FAM184A: variants seen among roughly 807,000 people sequenced by gnomAD.
FAM184A encodes protein FAM184A.
Under a neutral mutation model 143.8 loss-of-function variants are expected in FAM184A, and 99 were observed. The observed-to-expected ratio is 0.69, with a 90% confidence interval of 0.58 to 0.81. FAM184A has a LOEUF of 0.81. FAM184A is among the 40% of genes least tolerant of loss of function. The pLI, the probability that FAM184A is intolerant of heterozygous loss-of-function variation, is 0.00. For synonymous variants in FAM184A, 427 were observed against 446.4 expected, an observed-to-expected ratio of 0.96 and a Z score of 0.55; for missense variants, 1,217 against 1,310.5, an observed-to-expected ratio of 0.93 and a Z score of 1.10.
intron 1 of FAM184A, among the ~76,000 whole-genome samples, chr6:119,061,545 T>C (rs1045125445): frequency 2.0e-4 from 27 of 134,364 alleles, no homozygotes; most frequent in African/African-American, 7.4e-4. Context: ...TTTTTTTTTT[T>C]TTTTTTTTTT....
At chr6:119,108,846 C>T (rs1788857681) in intron 1 of FAM184A, among the ~76,000 whole-genome samples, 1 of 152,166 alleles carries the variant, frequency 6.6e-6, no homozygotes, top group East Asian at 1.9e-4. Context: ...AATCTCCACG[C>T]TCCAGGAAAC....
At chr6:118,977,038 C>T (rs1396694107) in intron 11 of FAM184A, among the ~76,000 whole-genome samples, 2 of 152,158 alleles carry the variant, frequency 1.3e-5, no homozygotes, top group Non-Finnish European at 2.9e-5. Flanking sequence ...AACCGCACTC[C>T]TAGGCACTTA....
chr6:119,094,914 C>G (rs1788467397), intron 1 of FAM184A, among the ~76,000 whole-genome samples: 1 of 152,162 alleles, frequency 6.6e-6, no homozygotes, highest in East Asian at 1.9e-4. Flanking sequence ...TATCCCCTGG[C>G]ACCACTGGCT....
At chr6:119,139,388 C>T (rs993375351) in intron 1 of FAM184A, among the ~76,000 whole-genome samples, 1 of 152,162 alleles carries the variant, frequency 6.6e-6, no homozygotes, top group Non-Finnish European at 1.5e-5. Context: ...ACTTAACTCA[C>T]TGTTCTCAGA....
At chr6:119,005,881 C>T in intron 7 of FAM184A, 1 of 468,608 alleles carries the variant, frequency 2.1e-6, no homozygotes, top group East Asian at 3.0e-5. Context: ...CAGAGAAGCA[C>T]TTAGTTGCTG....
intron 9 of FAM184A, among the ~76,000 whole-genome samples, chr6:118,986,931 G>A (rs998832414): frequency 2.0e-5 from 3 of 151,976 alleles, no homozygotes; most frequent in African/African-American, 7.2e-5. Context: ...ATAAATGTTT[G>A]TTGTTTCTTT....
chr6:119,062,552 G>A (rs807807), intron 1 of FAM184A, among the ~76,000 whole-genome samples: 5,867 of 152,182 alleles, frequency 0.039, 401 homozygotes, highest in African/African-American at 0.13. Flanking sequence ...CCAGCTACTC[G>A]GGAGGCTGAG....
At chr6:119,031,670 T>C (rs1785877135) in intron 1 of FAM184A, 1 of 152,210 alleles carries the variant, frequency 6.6e-6, no homozygotes, top group Admixed American at 6.5e-5. Flanking sequence ...TAAAGCACAT[T>C]TGTAATAACA....
intron 9 of FAM184A, among the ~76,000 whole-genome samples, chr6:118,986,598 C>T (rs1269728044): frequency 6.6e-6 from 1 of 152,072 alleles, no homozygotes; most frequent in East Asian, 1.9e-4. Context: ...GTGTTACCAG[C>T]CCCTTTTACT....
upstream of FAM184A, among the ~76,000 whole-genome samples, chr6:119,082,809 A>G (rs1208198716): frequency 2.6e-5 from 4 of 152,198 alleles, no homozygotes; most frequent in East Asian, 7.7e-4. Context: ...CTGTCAGTAG[A>G]CCTAATATTA....
At chr6:119,036,192 C>T (rs1440662094) in intron 1 of FAM184A, among the ~76,000 whole-genome samples, 2 of 138,690 alleles carry the variant, frequency 1.4e-5, no homozygotes, top group African/African-American at 5.4e-5. Context: ...TGATTCACGT[C>T]TTTTTTTCCC....
chr6:119,020,501 A>G (rs1357053033), intron 3 of FAM184A, among the ~76,000 whole-genome samples: 1 of 152,124 alleles, frequency 6.6e-6, no homozygotes, highest in Non-Finnish European at 1.5e-5. Flanking sequence ...TAGGCTTCAT[A>G]AGAAAGTCTC....
intron 1 of FAM184A, among the ~76,000 whole-genome samples, chr6:119,030,329 A>C (rs1419223582): frequency 6.6e-6 from 1 of 152,146 alleles, no homozygotes; most frequent in African/African-American, 2.4e-5. Flanking sequence ...AGTTGAGCTT[A>C]ACTGGATATA....
chr6:119,004,712 T>A (rs1365576638), intron 7 of FAM184A, among the ~76,000 whole-genome samples: 1 of 152,226 alleles, frequency 6.6e-6, no homozygotes, highest in Admixed American at 6.5e-5. Flanking sequence ...GCAGCATCTA[T>A]ATTTTGTCAG....
At chr6:119,003,192 G>A (rs1478995955) in intron 8 of FAM184A, 143 bp from the exon 9 acceptor site, 2 of 759,404 alleles carry the variant, frequency 2.6e-6, no homozygotes, top group Non-Finnish European at 3.9e-6. Flanking sequence ...TTACTTAAGG[G>A]CTGTAAAGTA....
At chr6:119,126,007 A>C (rs2114868312) in intron 1 of FAM184A, among the ~76,000 whole-genome samples, 1 of 152,364 alleles carries the variant, frequency 6.6e-6, no homozygotes, top group South Asian at 2.1e-4. Flanking sequence ...TTAGAAGTCC[A>C]GACATGACAC....
At chr6:118,992,318 G>A (rs1784404823) in intron 9 of FAM184A, among the ~76,000 whole-genome samples, 1 of 152,164 alleles carries the variant, frequency 6.6e-6, no homozygotes, top group African/African-American at 2.4e-5. Flanking sequence ...TTAAACCACA[G>A]ACTGGTTGAG....
Position 119,024,469 on chromosome 6 carries a change from T to C in FAM184A, c.504A>G (p.Lys168=). The C allele has an allele frequency of 6.2e-7, 1 of 1,613,670 alleles. No individual in the cohort carries two copies. Among genetic ancestry groups the C allele is most frequent in the Non-Finnish European group, 8.5e-7 (1 of 1,179,908 alleles). ...VEEIRRKFEE[K]LRSFGQLQVQ... The stretch of plus-strand genomic sequence containing the variant: ...CTTGAAGTTGTCCAAAGCTCCGTAA[T>C]TTTTCTTCAAATTTCCTTCTAATCT... The change falls in exon 2 of 18, where the codon AAA becomes AAG. Residue 168 remains lysine, a synonymous_variant. Coordinates refer to ENST00000338891, the MANE Select transcript of FAM184A (RefSeq NM_024581.6).
At chr6:119,109,330 A>G (rs753629682) in intron 1 of FAM184A, among the ~76,000 whole-genome samples, 1 of 152,228 alleles carries the variant, frequency 6.6e-6, no homozygotes, top group Non-Finnish European at 1.5e-5. Flanking sequence ...AATTAGAGTC[A>G]CAGATTTAGA....
Sources: allele counts gnomAD v4.1 joint callset (sites outside exome capture counted in the v4.1 genomes callset), GRCh38; gene constraint gnomAD v4.1.1; transcripts MANE v1.5; gene names NCBI Gene and HGNC (gene_info 2026-07-23, HGNC 2026-07-21).